Variants in TMEM43 observed in about 807,000 individuals in gnomAD.
The protein encoded by TMEM43 is transmembrane protein 43.
TMEM43 carries 45 observed loss-of-function variants against 49.6 expected under a neutral mutation model. The observed-to-expected ratio is 0.91, with a 90% confidence interval of 0.71 to 1.16. The LOEUF (loss-of-function observed/expected upper bound fraction) is 1.16. Among genes scored for constraint, TMEM43 ranks in the 50% most tolerant of loss-of-function variants. The pLI, the probability that TMEM43 is intolerant of heterozygous loss-of-function variation, is 0.00. For missense variants in TMEM43, 532 were observed against 516.6 expected, an observed-to-expected ratio of 1.03 and a Z score of -0.29; for synonymous variants, 199 against 207.8, an observed-to-expected ratio of 0.96 and a Z score of 0.36.
chr3:14,138,616 G>A (rs1695206483), intron 10 of TMEM43, among the ~76,000 whole-genome samples: 1 of 152,192 alleles, frequency 6.6e-6, no homozygotes, highest in Non-Finnish European at 1.5e-5. Context: ...GTGAGGCCCG[G>A]GAGAGGGCCA....
At chr3:14,137,520 AG>A (rs1695186096) in intron 10 of TMEM43, among the ~76,000 whole-genome samples, 1 of 152,086 alleles carries the variant, frequency 6.6e-6, no homozygotes, top group African/African-American at 2.4e-5. Context: ...CCCCCAGCCC[AG>A]CCCCCACCCC....
intron 1 of TMEM43, chr3:14,128,751 C>T (rs1237902587): frequency 1.2e-5 from 3 of 244,646 alleles, no homozygotes; most frequent in African/African-American, 2.3e-5. Flanking sequence ...ATCTTCTTCA[C>T]GAGCCAGCAG....
In TMEM43 at chr3:14,134,904, G is replaced by T. The variant is rs1047295195; in HGVS notation, c.705+13G>T. On this transcript the variant is annotated intron_variant, in intron 8 of 11. Coordinates refer to ENST00000306077, the MANE Select transcript of TMEM43 (RefSeq NM_024334.3). The stretch of plus-strand genomic sequence containing the variant: ...CAAGTATCCAGAGGTGTGCGGAGAG[G>T]CCTGGGCTCTCCAAATAGGAGGGTC... 3.1e-6 allele frequency: 5 copies of T among 1,614,080 alleles called. No individual in the cohort carries two copies. In the South Asian group the frequency reaches 4.4e-5, roughly 14 times the overall value.
At chr3:14,128,832 C>G in intron 1 of TMEM43, 1 of 403,044 alleles carries the variant, frequency 2.5e-6, no homozygotes, top group South Asian at 1.8e-5. Flanking sequence ...TATGAATATT[C>G]ACAGCAGCAT....
At position 14,129,499 on chromosome 3, in the gene TMEM43, G is replaced by T. The variant is rs1376541965; in HGVS notation, c.100G>T (p.Gly34Cys). 6.2e-7 allele frequency: 1 copy of T among 1,614,076 alleles called. No individual in the cohort carries two copies. The highest frequency in any genetic ancestry group is 8.5e-7 in the Non-Finnish European group (1 of 1,180,012). Residue 34 changes from glycine to cysteine, a missense_variant, in exon 2 of 12, where the codon GGT becomes TGT. Physicochemically the swap from Gly to Cys is radical, Grantham distance 159 (BLOSUM62 -3). Coordinates refer to ENST00000306077, the MANE Select transcript of TMEM43 (RefSeq NM_024334.3). ...GFLERLSETS[G>C]GMFVGLMAFL... ...CCTGGAACGGCTGAGCGAGACCTCG[G>T]GTGGGATGTTTGTGGGGCTCATGGC...
In TMEM43 at chr3:14,128,908, C is replaced by A. The variant is rs765063600; in HGVS notation, c.13-504C>A. 4.0e-5 allele frequency: 18 copies of A among 455,372 alleles called. 1 individual carries two copies. Among genetic ancestry groups the A allele is most frequent in the South Asian group, 2.8e-4 (18 of 64,264 alleles). The allele number at this position is 455,372 out of a possible 1,614,324, so 28.2% of individuals were successfully genotyped here. A position where few individuals can be genotyped will look rare whatever the true frequency, so the allele number is the denominator to read the frequency against. ...ATCCACTGACGAATGATTCAGCACA[C>A]TGTGGTATAGTCATAAATGGAATAC... On this transcript the variant is annotated intron_variant, in intron 1 of 11. Transcript: ENST00000306077.
At chr3:14,141,471 A>G in intron 11 of TMEM43, 122 bp from the exon 12 acceptor site, 1 of 948,972 alleles carries the variant, frequency 1.1e-6, no homozygotes, top group Non-Finnish European at 1.7e-6. Context: ...CCACCCACTG[A>G]TCCTCTCCCC....
intron 1 of TMEM43, among the ~76,000 whole-genome samples, chr3:14,126,179 G>A (rs1419118116): frequency 2.0e-5 from 3 of 152,172 alleles, no homozygotes; most frequent in Admixed American, 2.0e-4. Context: ...AGTACACTTT[G>A]TCTCGGGTTA....
At position 14,143,103 on chromosome 3, in the gene TMEM43, A is replaced by T. The variant is rs977896305; in HGVS notation, c.*1308A>T. ...AATAAGATCCACCCACACCTAAGTC[A>T]CAGAATTTCTAAGTTCCCCAACTAC... On this transcript the variant is annotated 3_prime_UTR_variant, in exon 12 of 12. Transcript: ENST00000306077. The T allele has an allele frequency of 2.6e-5, 4 of 152,248 alleles. No homozygotes were observed. Among genetic ancestry groups the T allele is most frequent in the African/African-American group, 9.6e-5 (4 of 41,456 alleles). The allele number at this position is 152,248 out of a possible 1,614,324, so 9.4% of individuals were successfully genotyped here.
At position 14,135,225 on chromosome 3, in the gene TMEM43, C is replaced by T; in HGVS notation, c.773C>T (p.Ala258Val). ...LSGDDPDLGP[A>V]HVVTVIARQR... ...GGCGATGACCCTGACCTGGGCCCAGCTCACGTGGTAACCTGGCTTCCCAGG... is the reference window on the plus strand; with the variant it reads ...GGCGATGACCCTGACCTGGGCCCAGTTCACGTGGTAACCTGGCTTCCCAGG... The change falls in exon 9 of 12, where the codon GCT (alanine) becomes GTT (valine). Residue 258 changes from alanine (A) to valine (V), a missense_variant. Physicochemically the swap from Ala to Val is moderately conservative, Grantham distance 64 (BLOSUM62 0). Coordinates refer to ENST00000306077, the MANE Select transcript of TMEM43 (RefSeq NM_024334.3). 2 of 1,612,070 alleles carry T rather than the reference C, an allele frequency of 1.2e-6. No homozygotes were observed. Among genetic ancestry groups the T allele is most frequent in the Non-Finnish European group, 1.7e-6 (2 of 1,179,884 alleles).
At position 14,142,651 on chromosome 3, in the gene TMEM43, T is replaced by C. The variant is rs1019052011; in HGVS notation, c.*856T>C. On this transcript the variant is annotated 3_prime_UTR_variant, in exon 12 of 12. Transcript: ENST00000306077. The stretch of plus-strand genomic sequence containing the variant: ...ATTCAGAGCACTGAAAGGTGTTAAA[T>C]TGGGGTATGTGGTTTGATTGATAAA... 1.3e-5 allele frequency: 2 copies of C among 152,668 alleles called. No homozygotes were observed. The highest frequency in any genetic ancestry group is 2.9e-5 in the Non-Finnish European group (2 of 68,036). The allele number at this position is 152,668 out of a possible 1,614,324, so 9.5% of individuals were successfully genotyped here.
intron 2 of TMEM43, among the ~76,000 whole-genome samples, chr3:14,129,978 G>A (rs1005635465): frequency 2.0e-5 from 3 of 152,046 alleles, no homozygotes; most frequent in Non-Finnish European, 4.4e-5. Context: ...AAAACCATCT[G>A]TTTCTCTTCC....
chr3:14,127,616 T>C (rs1040543210), intron 1 of TMEM43, among the ~76,000 whole-genome samples: 1 of 152,314 alleles, frequency 6.6e-6, no homozygotes, highest in East Asian at 1.9e-4. Context: ...GGGGTCGTTA[T>C]GACATCCCGC....
chr3:14,125,929 G>T (rs1176649533), intron 1 of TMEM43, among the ~76,000 whole-genome samples: 1 of 152,276 alleles, frequency 6.6e-6, no homozygotes, highest in East Asian at 1.9e-4. Context: ...CTCCTACCAG[G>T]GCGCTGGGTG....
chr3:14,136,458 C>T (rs1055333132), intron 10 of TMEM43, among the ~76,000 whole-genome samples: 17 of 152,116 alleles, frequency 1.1e-4, no homozygotes, highest in African/African-American at 3.6e-4. Flanking sequence ...TGCATCGTGC[C>T]GAGTGTTGGA....
intron 10 of TMEM43, 131 bp from the exon 11 acceptor site, chr3:14,139,049 C>A (rs1478868771): frequency 6.8e-6 from 5 of 739,450 alleles, no homozygotes; most frequent in Non-Finnish European, 1.2e-5. Flanking sequence ...GAGGCTTGCC[C>A]CCACTCCGTC....
In TMEM43 at chr3:14,131,533, G is replaced by A. The variant is rs375915415; in HGVS notation, c.298-47G>A. The A allele has an allele frequency of 3.8e-4, 590 of 1,539,384 alleles. 9 individuals carry two copies. In the South Asian group the frequency reaches 6.3e-3, roughly 16 times the overall value. On this transcript the variant is annotated intron_variant, in intron 3 of 11. Transcript: ENST00000306077. ...CCTGAGCCAGGCTTTCTGGGCTGAC[G>A]TGAATGTTATCCTTTATTTTTTTGG...
Position 14,132,582 on chromosome 3 carries a change from G to A in TMEM43, c.429G>A (p.Thr143=), listed in dbSNP as rs201217046. 1.5e-4 allele frequency: 235 copies of A among 1,614,094 alleles called. No individual in the cohort carries two copies. Among genetic ancestry groups the A allele is most frequent in the Non-Finnish European group, 1.8e-4 (213 of 1,179,980 alleles). ...AGGATGGGCAGGTGAAGAAGGAGAC[G>A]AGGTATTCCTACAGTGAGTGCTGGG... ...YTEDGQVKKE[T]RYSYNTEWRS... The change falls in exon 5 of 12, where the codon ACG becomes ACA. Residue 143 remains threonine (T), a synonymous_variant. Transcript: ENST00000306077.
At chr3:14,133,861 C>G in intron 7 of TMEM43, 52 bp downstream of exon 7, 2 of 1,535,600 alleles carry the variant, frequency 1.3e-6, no homozygotes, top group South Asian at 1.1e-5. Flanking sequence ...CAAGGCCCCC[C>G]TAGGGCCGGA....
Sources: gnomAD v4.1 joint callset for allele counts (sites outside exome capture counted in the v4.1 genomes callset) on GRCh38, gnomAD v4.1.1 for gene constraint, MANE v1.5 for transcripts, NCBI Gene and HGNC (gene_info 2026-07-23, HGNC 2026-07-21) for gene names.